The following KDM4A variants were observed in gnomAD, a reference collection of about 807,000 sequenced individuals.
KDM4A encodes the protein lysine-specific demethylase 4A.
Under a neutral mutation model 127.1 loss-of-function variants are expected in KDM4A, and 23 were observed. The ratio of observed to expected loss-of-function variants is 0.18; its 90% CI spans 0.13 to 0.26. KDM4A has a LOEUF of 0.26. Among genes scored for constraint, KDM4A ranks in the 10% least tolerant of loss-of-function variants. The pLI, the probability that KDM4A is intolerant of heterozygous loss-of-function variation, is 1.00. For missense variants in KDM4A, 890 were observed against 1,329.1 expected (o/e 0.67, Z 5.14); for synonymous variants, 443 against 466.5 (o/e 0.95, Z 0.65).
In KDM4A at chr1:43,700,379, G is replaced by A. The variant is rs74605833; in HGVS notation, c.2841+2366G>A. On this transcript the variant is annotated intron_variant, in intron 19 of 21. Coordinates refer to ENST00000372396, the MANE Select transcript of KDM4A (RefSeq NM_014663.3). ...TGGGCTCAAGCAATCCGCCTACCTC[G>A]GCCTCCCAAAGTGCTGGGATTACAT... 1.7e-4 allele frequency among the ~76,000 whole-genome samples: 26 copies of A among 151,956 alleles called. No homozygotes were observed. In the East Asian group the frequency reaches 4.3e-3, roughly 25 times the overall value.
chr1:43,704,398 G>A lies in KDM4A; in HGVS notation c.*28G>A. On this transcript the variant is annotated 3_prime_UTR_variant, in exon 22 of 22. Coordinates refer to ENST00000372396, the MANE Select transcript of KDM4A (RefSeq NM_014663.3). ...GCTTCCAGGGTCCAAGGGATTCTCA[G>A]CCATCCAGGCAAGAGCACTCTGGGT... 6.2e-7 allele frequency: 1 copy of A among 1,605,534 alleles called. No individual in the cohort carries two copies.
At position 43,694,880 on chromosome 1, in the gene KDM4A, A is replaced by G. The variant is rs200451367; in HGVS notation, c.2656A>G (p.Ile886Val). 39 of 1,594,986 alleles carry G rather than the reference A, an allele frequency of 2.4e-5. No homozygotes were observed. Among genetic ancestry groups the G allele is most frequent in the Middle Eastern group, 1.7e-4 (1 of 6,018 alleles). The change falls in exon 18 of 22, where the codon ATT becomes GTT. Residue 886 changes from isoleucine (I) to valine (V), a missense_variant. By Grantham distance (29) the Ile-to-Val change is conservative (BLOSUM62 3). This residue lies in a region of KDM4A where 246 missense variants were observed against 418.4 expected (regional missense o/e 0.59). Coordinates refer to ENST00000372396, the MANE Select transcript of KDM4A (RefSeq NM_014663.3). The surrounding 1 kb of genome is among the most constrained non-coding windows in gnomAD (Gnocchi z 5.2). ...VVFITCFRHKIPNLERAKGAL... is the reference protein window; with the variant it reads ...VVFITCFRHKVPNLERAKGAL... ...CTTCATTACCTGCTTTCGGCACAAGATTCCTAATTTGGAGGTGAGAGAGGG... is the reference window on the plus strand; with the variant it reads ...CTTCATTACCTGCTTTCGGCACAAGGTTCCTAATTTGGAGGTGAGAGAGGG...
chr1:43,656,926 C>T (rs1015286079), intron 3 of KDM4A, among the ~76,000 whole-genome samples: 2 of 151,788 alleles, frequency 1.3e-5, no homozygotes, highest in African/African-American at 4.8e-5. Flanking sequence ...GACGGGGTTT[C>T]ACCGTCTCTA....
intron 19 of KDM4A, among the ~76,000 whole-genome samples, chr1:43,700,778 C>A (rs1661368831): frequency 6.6e-6 from 1 of 152,122 alleles, no homozygotes. Flanking sequence ...ACGTTTCATA[C>A]TGTTAACACT....
chr1:43,660,697 G>T (rs747792507), intron 4 of KDM4A, among the ~76,000 whole-genome samples: 16 of 152,160 alleles, frequency 1.1e-4, no homozygotes, highest in Non-Finnish European at 1.9e-4. Context: ...GAAAGGGTGG[G>T]TTGGCTCTCA....
chr1:43,656,909 T>C (rs1349764219), intron 3 of KDM4A, among the ~76,000 whole-genome samples: 3 of 151,830 alleles, frequency 2.0e-5, no homozygotes, highest in African/African-American at 7.3e-5. Context: ...TTTGTATTTT[T>C]AGTAGAGACG....
intron 6 of KDM4A, 61 bp from the exon 7 acceptor site, chr1:43,666,391 C>T (rs1345391256): frequency 4.5e-6 from 6 of 1,347,978 alleles, no homozygotes; most frequent in Non-Finnish European, 6.4e-6. Context: ...TGTGAAGTGA[C>T]TCCAGGATTG....
chr1:43,676,657 A>G (rs1660748198), intron 11 of KDM4A, among the ~76,000 whole-genome samples: 2 of 152,062 alleles, frequency 1.3e-5, no homozygotes, highest in Non-Finnish European at 2.9e-5. Context: ...GGATCTTTCC[A>G]TATTTGCTTT....
At chr1:43,679,500 A>G (rs1660811503) in intron 11 of KDM4A, among the ~76,000 whole-genome samples, 1 of 152,138 alleles carries the variant, frequency 6.6e-6, no homozygotes, top group African/African-American at 2.4e-5. Flanking sequence ...GGTTCCTTAG[A>G]GCACCCTTAT....
At chr1:43,674,549 C>T (rs1485637941) in intron 11 of KDM4A, among the ~76,000 whole-genome samples, 1 of 150,716 alleles carries the variant, frequency 6.6e-6, no homozygotes, top group Non-Finnish European at 1.5e-5. Flanking sequence ...CTGAGTCTCG[C>T]TCTGTTGCCC....
rs965642749 is a variant in KDM4A at position 43,693,292 on chromosome 1, C to G, written c.2376-702C>G. On this transcript the variant is annotated intron_variant, in intron 16 of 21. Transcript: ENST00000372396. The surrounding 1 kb of genome is among the most constrained non-coding windows in gnomAD (Gnocchi z 4.2). ...CTCTAAAAAGACAGCCCCACTAGAA[C>G]TGCAGAGAGCTTCCATGGAGCCCCA... 6.6e-6 allele frequency among the ~76,000 whole-genome samples: 1 copy of G among 152,262 alleles called. No homozygotes were observed. The highest frequency in any genetic ancestry group is 2.4e-5 in the African/African-American group (1 of 41,480).
At chr1:43,660,908 A>G (rs1486431861) in intron 4 of KDM4A, among the ~76,000 whole-genome samples, 1 of 152,202 alleles carries the variant, frequency 6.6e-6, no homozygotes. Flanking sequence ...ATATTTGGGA[A>G]TATCTTCAGA....
chr1:43,668,157 G>C (rs560931468), intron 9 of KDM4A, 138 bp downstream of exon 9: 9 of 1,187,884 alleles, frequency 7.6e-6, no homozygotes, highest in Non-Finnish European at 8.3e-6. Context: ...ATGGAGTCTC[G>C]CTCTGTCGCC....
rs11438925 is a variant in KDM4A at position 43,656,329 on chromosome 1, G to GTTT, written c.314+587_314+589dup. 4.5e-3 allele frequency among the ~76,000 whole-genome samples: 244 copies of GTTT among 54,182 alleles called. 73 individuals are homozygous for GTTT. The highest frequency in any genetic ancestry group is 0.015 in the East Asian group (21 of 1,434). 35.5% of individuals were successfully genotyped at this position (54,182 alleles called of 152,430 possible). A position where few individuals can be genotyped will look rare whatever the true frequency, so the allele number is the denominator to read the frequency against. The stretch of plus-strand genomic sequence containing the variant: ...TGTTTTCAGTTCTTCTCTGCTGTTG[G>GTTT]TTTTTTTTTTTTTTTTTTTTTTTTT... On this transcript the variant is annotated intron_variant, in intron 3 of 21. Coordinates refer to ENST00000372396, the MANE Select transcript of KDM4A (RefSeq NM_014663.3).
Position 43,688,459 on chromosome 1 carries a change from A to G in KDM4A, c.1856-455A>G, listed in dbSNP as rs1037290445. On this transcript the variant is annotated intron_variant, in intron 12 of 21. Coordinates refer to ENST00000372396, the MANE Select transcript of KDM4A (RefSeq NM_014663.3). The surrounding 1 kb of genome is among the most constrained non-coding windows in gnomAD (Gnocchi z 4.4). ...ATATTACAACTTTTAAGCTTTGCCA[A>G]TTCCCTGTTATTTTCCTTCCTTGTT... Among the ~76,000 whole-genome samples the G allele has an allele frequency of 6.6e-6, 1 of 152,208 alleles. No individual in the cohort carries two copies. The highest frequency in any genetic ancestry group is 1.5e-5 in the Non-Finnish European group (1 of 68,038).
intron 12 of KDM4A, among the ~76,000 whole-genome samples, chr1:43,686,162 T>G (rs901991779): frequency 6.9e-5 from 10 of 143,962 alleles, no homozygotes; most frequent in East Asian, 2.0e-4. Flanking sequence ...TTTTTTTTTT[T>G]TTTTTTTTTT....
Position 43,704,580 on chromosome 1 carries a change from C to G in KDM4A, c.*210C>G. Reference sequence around the variant, plus strand: ...ATTTCTGGGCACGTGGCAGCAGTCGCTGATCTCCCAGCTGAGGGGCTGAGC... The same window carrying G: ...ATTTCTGGGCACGTGGCAGCAGTCGGTGATCTCCCAGCTGAGGGGCTGAGC... On this transcript the variant is annotated 3_prime_UTR_variant, in exon 22 of 22. Transcript: ENST00000372396. 1.8e-6 allele frequency: 1 copy of G among 564,254 alleles called. No homozygotes were observed. Among genetic ancestry groups the G allele is most frequent in the Non-Finnish European group, 3.1e-6 (1 of 322,372 alleles). 35.0% of individuals were successfully genotyped at this position (564,254 alleles called of 1,614,324 possible). A position where few individuals can be genotyped will look rare whatever the true frequency, so the allele number is the denominator to read the frequency against.
At chr1:43,677,360 A>AG (rs1660765398) in intron 11 of KDM4A, among the ~76,000 whole-genome samples, 1 of 151,988 alleles carries the variant, frequency 6.6e-6, no homozygotes, top group East Asian at 1.9e-4. Context: ...AAAAAAAAAA[A>AG]AAAGGAAAAT....
At chr1:43,666,656 G>C in intron 7 of KDM4A, 101 bp downstream of exon 7, 1 of 951,852 alleles carries the variant, frequency 1.1e-6, no homozygotes, top group Non-Finnish European at 1.6e-6. Flanking sequence ...GGGGGCCAAA[G>C]CTTAAATAAA....
Sources: allele counts gnomAD v4.1 joint callset (sites outside exome capture counted in the v4.1 genomes callset), GRCh38; gene constraint gnomAD v4.1.1; regional missense constraint gnomAD v4.1.1; non-coding constraint Gnocchi (gnomAD v3.1); transcripts MANE v1.5; gene names NCBI Gene and HGNC (gene_info 2026-07-23, HGNC 2026-07-21).